UST: variants seen among roughly 807,000 people sequenced by gnomAD.
UST encodes the protein chondroitin sulfate 2-O-sulfotransferase.
UST carries 21 observed loss-of-function variants against 45.6 expected under a neutral mutation model. The ratio of observed to expected loss-of-function variants is 0.46; its 90% CI spans 0.33 to 0.66. The LOEUF is 0.66. Among genes scored for constraint, UST ranks in the 30% least tolerant of loss-of-function variants. The pLI is 0.02. For missense variants in UST, 463 were observed against 512.4 expected (o/e 0.90, Z 0.93); for synonymous variants, 215 against 200.6 (o/e 1.07, Z -0.61).
At chr6:149,034,388 T>G (rs1776197711) in intron 7 of UST, among the ~76,000 whole-genome samples, 1 of 150,312 alleles carries the variant, frequency 6.7e-6, no homozygotes, top group South Asian at 2.1e-4. Flanking sequence ...CATCCCAACC[T>G]GCCCTCCCTT....
intron 5 of UST, among the ~76,000 whole-genome samples, chr6:149,000,412 C>T (rs1175082397): frequency 6.6e-6 from 1 of 151,980 alleles, no homozygotes; most frequent in Admixed American, 6.6e-5. Flanking sequence ...ATGGTAGAAG[C>T]CACAAAACCA....
At chr6:149,042,877 C>G (rs987082121) in intron 7 of UST, among the ~76,000 whole-genome samples, 1 of 152,090 alleles carries the variant, frequency 6.6e-6, no homozygotes, top group Non-Finnish European at 1.5e-5. Flanking sequence ...TCCTTGGTCT[C>G]CCAAAGTGCT....
chr6:148,914,511 G>A (rs968020914), intron 2 of UST, among the ~76,000 whole-genome samples: 18 of 152,110 alleles, frequency 1.2e-4, no homozygotes, highest in African/African-American at 3.6e-4. Context: ...TGTGTAGTTC[G>A]TAGTCTTTTC....
intron 1 of UST, among the ~76,000 whole-genome samples, chr6:148,873,812 A>G (rs1163608650): frequency 2.6e-5 from 4 of 151,898 alleles, no homozygotes; most frequent in South Asian, 2.1e-4. Flanking sequence ...AACAGCATCA[A>G]TGCTGATCAC....
At chr6:148,949,899 A>G (rs113194226) in intron 3 of UST, among the ~76,000 whole-genome samples, 115 of 152,310 alleles carry the variant, frequency 7.6e-4, no homozygotes, top group African/African-American at 2.7e-3. Flanking sequence ...GGTCATGTTC[A>G]AAACCAAGCC....
intron 1 of UST, among the ~76,000 whole-genome samples, chr6:148,806,226 T>C (rs1777143398): frequency 6.6e-6 from 1 of 152,228 alleles, no homozygotes; most frequent in South Asian, 2.1e-4. Context: ...TTGGTTGTTG[T>C]AGACTCATGC....
At chr6:148,863,932 G>A (rs1331734074) in intron 1 of UST, among the ~76,000 whole-genome samples, 2 of 152,230 alleles carry the variant, frequency 1.3e-5, no homozygotes, top group African/African-American at 4.8e-5. Flanking sequence ...GTGTCTCCCA[G>A]TTAGGCTACT....
At chr6:148,926,874 G>A (rs997842967) in intron 2 of UST, among the ~76,000 whole-genome samples, 4 of 152,126 alleles carry the variant, frequency 2.6e-5, no homozygotes, top group Non-Finnish European at 5.9e-5. Context: ...TATTAGGTAA[G>A]CAACTAGCAG....
intron 4 of UST, chr6:148,955,710 C>T (rs1780480206): frequency 6.6e-6 from 1 of 152,278 alleles, no homozygotes; most frequent in Admixed American, 6.5e-5. Context: ...AGCGCTGCTT[C>T]CCTGATCCTT....
intron 1 of UST, among the ~76,000 whole-genome samples, chr6:148,798,113 T>C (rs1362162168): frequency 6.6e-6 from 1 of 151,912 alleles, no homozygotes; most frequent in Admixed American, 6.6e-5. Context: ...ATACAAGTAA[T>C]CCAGCCCAGA....
chr6:148,791,842 T>C (rs1329353213), intron 1 of UST, among the ~76,000 whole-genome samples: 4 of 152,180 alleles, frequency 2.6e-5, no homozygotes, highest in African/African-American at 4.8e-5. Context: ...CTCATATCTA[T>C]CAGCACAAAA....
chr6:148,996,827 G>A (rs1187197064), intron 5 of UST, among the ~76,000 whole-genome samples: 3 of 152,110 alleles, frequency 2.0e-5, no homozygotes, highest in African/African-American at 7.2e-5. Context: ...TTCATGGGTA[G>A]TTAACCTAAA....
chr6:148,822,053 T>G (rs1777476617), intron 1 of UST, among the ~76,000 whole-genome samples: 1 of 152,232 alleles, frequency 6.6e-6, no homozygotes, highest in African/African-American at 2.4e-5. Flanking sequence ...TAATCAGCTA[T>G]TTCTTTAAGG....
At chr6:148,950,563 T>C (rs1465417080) in intron 3 of UST, among the ~76,000 whole-genome samples, 1 of 152,230 alleles carries the variant, frequency 6.6e-6, no homozygotes, top group East Asian at 1.9e-4. Context: ...CCATCTCGGA[T>C]CACTGAACAC....
chr6:149,049,966 C>CAT (rs1562339795), intron 7 of UST, among the ~76,000 whole-genome samples: 4 of 142,964 alleles, frequency 2.8e-5, no homozygotes, highest in Non-Finnish European at 6.3e-5. Flanking sequence ...CACACACACA[C>CAT]GTGGCCCTTT....
At chr6:148,753,284 A>G (rs1776024581) in intron 1 of UST, among the ~76,000 whole-genome samples, 1 of 152,144 alleles carries the variant, frequency 6.6e-6, no homozygotes, top group Non-Finnish European at 1.5e-5. Flanking sequence ...TTTATCCAAC[A>G]CTTTTGCCCC....
intron 2 of UST, among the ~76,000 whole-genome samples, chr6:148,930,878 C>T (rs902756211): frequency 6.6e-6 from 1 of 152,212 alleles, no homozygotes. Flanking sequence ...TTTCTCAGTA[C>T]AATTCACACT....
At chr6:148,840,208 A>G (rs1332369129) in intron 1 of UST, among the ~76,000 whole-genome samples, 1 of 152,186 alleles carries the variant, frequency 6.6e-6, no homozygotes, top group Non-Finnish European at 1.5e-5. Context: ...CCTGGGATGG[A>G]AACTTGGACT....
chr6:148,898,037 TGAA>T (rs915443080), intron 2 of UST, among the ~76,000 whole-genome samples: 12 of 151,992 alleles, frequency 7.9e-5, no homozygotes, highest in African/African-American at 2.9e-4. Flanking sequence ...AGTACAAAAG[TGAA>T]GCTGCTTTTC....
Sources: gnomAD v4.1 joint callset for allele counts (sites outside exome capture counted in the v4.1 genomes callset) on GRCh38, gnomAD v4.1.1 for gene constraint, MANE v1.5 for transcripts, NCBI Gene and HGNC (gene_info 2026-07-23, HGNC 2026-07-21) for gene names.